Variants in ARID4B observed in about 807,000 individuals in gnomAD.
ARID4B encodes the protein AT-rich interaction domain 4B.
ARID4B carries 26 observed loss-of-function variants against 147.5 expected under a neutral mutation model. That is an observed-to-expected ratio of 0.18 (90% CI 0.13 to 0.24). ARID4B has a LOEUF of 0.24. ARID4B is among the 10% of genes least tolerant of loss of function. ARID4B has a pLI of 1.00. For synonymous variants in ARID4B, 512 were observed against 507.9 expected (o/e 1.01, Z -0.11); for missense variants, 1,179 against 1,511.5 (o/e 0.78, Z 3.65).
At position 235,325,323 on chromosome 1, in the gene ARID4B, C is replaced by T. The variant is rs189654255; in HGVS notation, c.6+1591G>A. Among the ~76,000 whole-genome samples the T allele has an allele frequency of 9.1e-4, 138 of 151,164 alleles. 2 individuals are homozygous for T. The East Asian group carries it at 0.018, about 20-fold the overall frequency. On this transcript the variant is annotated intron_variant, in intron 2 of 23. Coordinates refer to ENST00000264183, the MANE Select transcript of ARID4B (RefSeq NM_016374.6). ...TAGTATTACCAAGAAACTTTTAAGG[C>T]TAAAGTTTCCAACATACTTTCATTT...
intron 2 of ARID4B, among the ~76,000 whole-genome samples, chr1:235,301,772 T>C (rs1314941012): frequency 6.6e-6 from 1 of 151,414 alleles, no homozygotes; most frequent in African/African-American, 2.4e-5. Context: ...TGGAGTGCAG[T>C]GGCCTGATCT....
intron 16 of ARID4B, among the ~76,000 whole-genome samples, chr1:235,217,399 A>C (rs1667162338): frequency 1.6e-5 from 2 of 127,020 alleles, no homozygotes; most frequent in Non-Finnish European, 3.4e-5. Context: ...AAGTTGATGC[A>C]TACACTACAT....
Position 235,194,188 on chromosome 1 carries a change from G to A in ARID4B, c.1950C>T (p.Asp650=), listed in dbSNP as rs1433766440. The A allele has an allele frequency of 1.9e-6, 3 of 1,610,612 alleles. No individual in the cohort carries two copies. The highest frequency in any genetic ancestry group is 2.5e-6 in the Non-Finnish European group (3 of 1,177,372). The stretch of plus-strand genomic sequence containing the variant: ...TTTTTGGAGAGTATTTTTCATCTTT[G>A]TCTTTTTCTTTGTCTAATTTATTCT... ...KIKNKLDKEK[D]KDEKYSPKNC... is the part of the protein sequence containing the mutation. The change falls in exon 19 of 24, where the codon GAC becomes GAT. Residue 650 remains aspartate (D), a synonymous_variant. Coordinates refer to ENST00000264183, the MANE Select transcript of ARID4B (RefSeq NM_016374.6).
intron 2 of ARID4B, among the ~76,000 whole-genome samples, chr1:235,289,777 A>T (rs1489111473): frequency 6.6e-6 from 1 of 152,010 alleles, no homozygotes; most frequent in Non-Finnish European, 1.5e-5. Flanking sequence ...CATATGACAT[A>T]AAAGGATATT....
At chr1:235,249,267 A>G (rs1034601864) in intron 6 of ARID4B, among the ~76,000 whole-genome samples, 1 of 152,110 alleles carries the variant, frequency 6.6e-6, no homozygotes, top group Non-Finnish European at 1.5e-5. Context: ...CGGGAGGCAG[A>G]GGTTACAGTA....
rs1287356945 is a variant in ARID4B, at chr1:235,234,291, G to A, written c.665+122C>T. 3 of 655,548 alleles carry A rather than the reference G, an allele frequency of 4.6e-6. No homozygotes were observed. The Admixed American group carries it at 8.3e-5, about 18-fold the overall frequency. The allele number at this position is 655,548 out of a possible 1,614,324, so 40.6% of individuals were successfully genotyped here. On this transcript the variant is annotated intron_variant, in intron 9 of 23. Transcript: ENST00000264183. ...AAACAGTGACTCTTTGAAACATTCT[G>A]TATGATGAAAAATAAAAGCCTAAGG... is the stretch of plus-strand genomic sequence containing the variant.
chr1:235,276,286 T>C (rs1671311024), intron 2 of ARID4B, among the ~76,000 whole-genome samples: 1 of 152,030 alleles, frequency 6.6e-6, no homozygotes, highest in Non-Finnish European at 1.5e-5. Context: ...TAACGCTAAT[T>C]AGTAGCATTA....
At chr1:235,272,698 T>C (rs1671066900) in intron 2 of ARID4B, among the ~76,000 whole-genome samples, 1 of 150,550 alleles carries the variant, frequency 6.6e-6, no homozygotes, top group Non-Finnish European at 1.5e-5. Flanking sequence ...TTTTATATTA[T>C]ACATTTATTA....
intron 2 of ARID4B, among the ~76,000 whole-genome samples, chr1:235,310,820 G>A (rs963970369): frequency 6.6e-6 from 1 of 152,030 alleles, no homozygotes; most frequent in Admixed American, 6.5e-5. Flanking sequence ...ACAGTCACAG[G>A]CCACCACTCC....
chr1:235,199,119 T>C (rs193003527), intron 17 of ARID4B, among the ~76,000 whole-genome samples: 1 of 152,080 alleles, frequency 6.6e-6, no homozygotes, highest in East Asian at 1.9e-4. Context: ...ACAAAAAAAA[T>C]TCTCATGGAA....
At chr1:235,283,197 G>A (rs1479129564) in intron 2 of ARID4B, among the ~76,000 whole-genome samples, 1 of 152,122 alleles carries the variant, frequency 6.6e-6, no homozygotes, top group African/African-American at 2.4e-5. Context: ...TGGTATAAAA[G>A]AGCAAAGAGA....
At chr1:235,274,266 T>C (rs1412464310) in intron 2 of ARID4B, among the ~76,000 whole-genome samples, 1 of 151,044 alleles carries the variant, frequency 6.6e-6, no homozygotes, top group African/African-American at 2.4e-5. Context: ...GGAGGCTACT[T>C]GGGAGGTTGA....
At chr1:235,296,791 G>A (rs1404107827) in intron 2 of ARID4B, among the ~76,000 whole-genome samples, 10 of 57,104 alleles carry the variant, frequency 1.8e-4, no homozygotes, top group South Asian at 1.3e-3. Context: ...AAAAAAAAAG[G>A]AGGAAGGAAG....
chr1:235,176,859 G>GGCAGGAGTCTCCTGGAAGAGCA (rs1483300907), intron 21 of ARID4B: 3 of 470,884 alleles, frequency 6.4e-6, no homozygotes, highest in Non-Finnish European at 1.3e-5. Context: ...CAGTGGAGGT[G>GGCAGGAGTCTCCTGGAAGAGCA]GCAGGAGTCT....
chr1:235,313,554 C>T (rs1365504216), intron 2 of ARID4B, among the ~76,000 whole-genome samples: 1 of 152,134 alleles, frequency 6.6e-6, no homozygotes, highest in Non-Finnish European at 1.5e-5. Flanking sequence ...CACATCAGAA[C>T]AGTATTCTGA....
At chr1:235,242,161 T>C (rs1403198217) in intron 7 of ARID4B, among the ~76,000 whole-genome samples, 2 of 151,618 alleles carry the variant, frequency 1.3e-5, no homozygotes, top group Non-Finnish European at 2.9e-5. Flanking sequence ...GGCAGGAGAA[T>C]TGCCTGAACC....
chr1:235,232,420 C>G (rs1201896736), intron 9 of ARID4B, among the ~76,000 whole-genome samples: 5 of 150,230 alleles, frequency 3.3e-5, no homozygotes, highest in Admixed American at 2.7e-4. Flanking sequence ...AACTCCATCT[C>G]AAAAAAAAGT....
intron 2 of ARID4B, among the ~76,000 whole-genome samples, chr1:235,263,232 G>A (rs1670398042): frequency 6.6e-6 from 1 of 152,040 alleles, no homozygotes; most frequent in South Asian, 2.1e-4. Flanking sequence ...ACATAGAAGA[G>A]AACAATAAAT....
At chr1:235,236,621 C>T (rs1668575426) in intron 8 of ARID4B, among the ~76,000 whole-genome samples, 2 of 150,596 alleles carry the variant, frequency 1.3e-5, no homozygotes, top group Admixed American at 6.6e-5. Flanking sequence ...TCAAGCAATT[C>T]TCCTGCCTCA....
Sources: gnomAD v4.1 joint callset for allele counts (sites outside exome capture counted in the v4.1 genomes callset) on GRCh38, gnomAD v4.1.1 for gene constraint, MANE v1.5 for transcripts, NCBI Gene and HGNC (gene_info 2026-07-23, HGNC 2026-07-21) for gene names.